STX11: variants seen among roughly 807,000 people sequenced by gnomAD.
STX11 encodes syntaxin-11.
Under a neutral mutation model 19.9 loss-of-function variants are expected in STX11, and 21 were observed. That is an observed-to-expected ratio of 1.06 (90% CI 0.75 to 1.52). The LOEUF is 1.52. Ranked by LOEUF, STX11 falls within the 40% of genes most tolerant of loss-of-function variation. The pLI, the probability that STX11 is intolerant of heterozygous loss-of-function variation, is 0.00. For missense variants in STX11, 438 were observed against 405.9 expected (o/e 1.08, Z -0.68); for synonymous variants, 193 against 174.4 (o/e 1.11, Z -0.84).
chr6:144,148,899 T>C (rs1562652136), upstream of STX11, among the ~76,000 whole-genome samples: 1 of 152,254 alleles, frequency 6.6e-6, no homozygotes, highest in Admixed American at 6.5e-5. Context: ...GACTGTACTT[T>C]CCTTACTTTT....
chr6:144,147,655 G>T (rs1800901368), upstream of STX11, among the ~76,000 whole-genome samples: 1 of 152,114 alleles, frequency 6.6e-6, no homozygotes, highest in African/African-American at 2.4e-5. This position sits in a 1 kb window ranked among gnomAD's most constrained non-coding sequence, Gnocchi z 4.2. Flanking sequence ...CAAACTGAAG[G>T]TGTCCAAAAT....
rs1376326368 is a variant in STX11 at position 144,190,412 on chromosome 6, ATTG to A, written c.*2927_*2929del. On this transcript the variant is annotated 3_prime_UTR_variant, in exon 2 of 2. Transcript: ENST00000367568. The stretch of plus-strand genomic sequence containing the variant: ...GCACATGCTAAGTGCTTTGTTCATT[ATTG>A]TTGTTATTATGTAATTTTCTCTCAG... 2.0e-5 allele frequency among the ~76,000 whole-genome samples: 3 copies of A among 152,218 alleles called. No individual in the cohort carries two copies. The highest frequency in any genetic ancestry group is 6.5e-5 in the Admixed American group (1 of 15,288).
intron 1 of STX11, 79 bp downstream of exon 1, chr6:144,150,782 T>G (rs1465091605): frequency 7.4e-5 from 8 of 107,574 alleles, no homozygotes; most frequent in African/African-American, 1.8e-4. Flanking sequence ...GGAGGGCGGG[T>G]CGGGGCGGGG....
Position 144,174,229 on chromosome 6 carries a change from G to A in STX11, c.-5-12394G>A, listed in dbSNP as rs1294432576. On this transcript the variant is annotated intron_variant, in intron 1 of 1. Transcript: ENST00000367568. The surrounding 1 kb of genome is among the most constrained non-coding windows in gnomAD (Gnocchi z 5.3). The stretch of plus-strand genomic sequence containing the variant: ...TTGCACAAATGCTTTTCAAACCTCT[G>A]CTTGCATCATATTTGCTAATGTCTC... Among the ~76,000 whole-genome samples the A allele has an allele frequency of 1.3e-5, 2 of 152,078 alleles. No homozygotes were observed. The highest frequency in any genetic ancestry group is 2.9e-5 in the Non-Finnish European group (2 of 68,032).
At chr6:144,141,462 T>C in the STX11 span, among the ~76,000 whole-genome samples, 1 of 152,232 alleles carries the variant, frequency 6.6e-6, no homozygotes, top group Non-Finnish European at 1.5e-5. Flanking sequence ...CTACCCCTAT[T>C]GGCGTATCAA....
chr6:144,145,838 A>G (rs932897142), upstream of STX11, among the ~76,000 whole-genome samples: 9 of 152,136 alleles, frequency 5.9e-5, no homozygotes, highest in Non-Finnish European at 1.3e-4. Context: ...TAATGGGTGC[A>G]AAGTTTTAGT....
chr6:144,166,926 C>T (rs1312689020), intron 1 of STX11, among the ~76,000 whole-genome samples: 1 of 147,010 alleles, frequency 6.8e-6, no homozygotes, highest in African/African-American at 2.5e-5. Flanking sequence ...TTTTACCTGA[C>T]TTCACCTGCA....
intron 1 of STX11, among the ~76,000 whole-genome samples, chr6:144,168,336 T>C (rs191180995): frequency 3.0e-4 from 46 of 152,368 alleles, no homozygotes; most frequent in African/African-American, 1.1e-3. Context: ...ACATGCACGC[T>C]GCTCTAGTCC....
chr6:144,146,294 A>C (rs1800872181), upstream of STX11, among the ~76,000 whole-genome samples: 1 of 152,188 alleles, frequency 6.6e-6, no homozygotes, highest in Non-Finnish European at 1.5e-5. This position sits in a 1 kb window ranked among gnomAD's most constrained non-coding sequence, Gnocchi z 4.4. Flanking sequence ...GCTTCACCCT[A>C]AGGTCCTTAT....
At position 144,189,265 on chromosome 6, in the gene STX11, G is replaced by T. The variant is rs747182190; in HGVS notation, c.*1774G>T. Among the ~76,000 whole-genome samples, 1 of 152,082 alleles carries T rather than the reference G, an allele frequency of 6.6e-6. No homozygotes were observed. ...TCAAACTTGTGAGCTTGAGCAATCC[G>T]CCCACCTTGGCCTCCCAAAGTGCTG... On this transcript the variant is annotated 3_prime_UTR_variant, in exon 2 of 2. Transcript: ENST00000367568.
Position 144,186,831 on chromosome 6 carries a change from G to A in STX11, c.204G>A (p.Gln68=). Residue 68 remains glutamine (Q), a synonymous_variant, in exon 2 of 2, where the codon CAG becomes CAA. Transcript: ENST00000367568. ...LVADVKRLGK[Q]NARFLTSMRR... ...CCGACGTGAAGCGGCTGGGAAAGCA[G>A]AACGCCCGCTTCCTCACGTCCATGC... The A allele has an allele frequency of 6.2e-7, 1 of 1,613,372 alleles. No individual in the cohort carries two copies. The highest frequency in any genetic ancestry group is 8.5e-7 in the Non-Finnish European group (1 of 1,179,974).
chr6:144,146,398 G>T (rs1436197231), upstream of STX11, among the ~76,000 whole-genome samples: 1 of 152,214 alleles, frequency 6.6e-6, no homozygotes, highest in Non-Finnish European at 1.5e-5. The surrounding 1 kb of genome is among the most constrained non-coding windows in gnomAD (Gnocchi z 4.4). Context: ...TTTCAGCTGG[G>T]TGTGAGCAGA....
chr6:144,187,105 C>T lies in STX11; in HGVS notation c.478C>T (p.Arg160Cys). The T allele has an allele frequency of 1.2e-6, 2 of 1,613,874 alleles. No individual in the cohort carries two copies. Among genetic ancestry groups the T allele is most frequent in the Non-Finnish European group, 1.7e-6 (2 of 1,180,004 alleles). ...GAAGCAGCGCGACAACTGCAAGATC[C>T]GCATCCAGCGCCAGCTGGAGATCAT... Reference protein sequence around the residue: ...EMKQRDNCKIRIQRQLEIMGK... With the variant: ...EMKQRDNCKICIQRQLEIMGK... Residue 160 changes from arginine to cysteine, a missense_variant, in exon 2 of 2, where the codon CGC becomes TGC. By Grantham distance (180) the Arg-to-Cys change is radical. Transcript: ENST00000367568. The surrounding 1 kb of genome is among the most constrained non-coding windows in gnomAD (Gnocchi z 5.6).
intron 1 of STX11, among the ~76,000 whole-genome samples, chr6:144,181,543 C>T (rs1039789840): frequency 1.5e-5 from 2 of 135,774 alleles, no homozygotes; most frequent in Admixed American, 8.9e-5. Flanking sequence ...TACAGTGAGC[C>T]GAGATAGTAC....
At position 144,156,014 on chromosome 6, in the gene STX11, CT is replaced by C. The variant is rs1562655602; in HGVS notation, c.-6+5312del. On this transcript the variant is annotated intron_variant, in intron 1 of 1. Coordinates refer to ENST00000367568, the MANE Select transcript of STX11 (RefSeq NM_003764.4). ...TCTTTCTTTCTTTCTTTCTTTCTTT[CT>C]CTCTTTCTCTCCTTCCTTCCTTCCT... is the stretch of plus-strand genomic sequence containing the variant. 6.9e-3 allele frequency among the ~76,000 whole-genome samples: 798 copies of C among 114,864 alleles called. 29 individuals carry two copies. The highest frequency in any genetic ancestry group is 0.034 in the African/African-American group (674 of 19,708). 75.4% of individuals were successfully genotyped at this position (114,864 alleles called of 152,430 possible).
At chr6:144,161,988 G>A (rs1375748379) in intron 1 of STX11, among the ~76,000 whole-genome samples, 1 of 152,134 alleles carries the variant, frequency 6.6e-6, no homozygotes. Context: ...GTAGGTGAAG[G>A]AGGAGGGTTT....
At chr6:144,141,659 G>GTTGT in the STX11 span, among the ~76,000 whole-genome samples, 1 of 84,646 alleles carries the variant, frequency 1.2e-5, no homozygotes, top group Non-Finnish European at 2.5e-5. Flanking sequence ...CAGTTTTGTT[G>GTTGT]TTGTTGTTGT....
intron 1 of STX11, among the ~76,000 whole-genome samples, chr6:144,157,280 T>A (rs1801196548): frequency 6.6e-6 from 1 of 152,198 alleles, no homozygotes; most frequent in Non-Finnish European, 1.5e-5. Flanking sequence ...TTCAGAATTG[T>A]TCTGCCTCCT....
the STX11 span, among the ~76,000 whole-genome samples, chr6:144,143,363 G>C: frequency 0.027 from 4,079 of 152,242 alleles, 192 homozygotes; most frequent in East Asian, 0.23. Flanking sequence ...GTCCCAAAGG[G>C]AAATGGATAG....
Sources: allele counts gnomAD v4.1 joint callset (sites outside exome capture counted in the v4.1 genomes callset), GRCh38; gene constraint gnomAD v4.1.1; non-coding constraint Gnocchi (gnomAD v3.1); transcripts MANE v1.5; gene names NCBI Gene and HGNC (gene_info 2026-07-23, HGNC 2026-07-21).